The following RASGRP3 variants were observed in gnomAD, a reference collection of about 807,000 sequenced individuals.
RASGRP3 encodes ras guanyl-releasing protein 3.
Under a neutral mutation model 82.7 loss-of-function variants are expected in RASGRP3, and 54 were observed. The ratio of observed to expected loss-of-function variants is 0.65; its 90% CI spans 0.52 to 0.82. The LOEUF is 0.82. Ranked by LOEUF, RASGRP3 falls within the 40% of genes least tolerant of loss-of-function variation. The pLI is 0.00. For missense variants in RASGRP3, 861 were observed against 828.9 expected, an observed-to-expected ratio of 1.04 and a Z score of -0.48; for synonymous variants, 309 against 300.5, an observed-to-expected ratio of 1.03 and a Z score of -0.29.
chr2:33,440,805 A>C lies in RASGRP3; in HGVS notation c.-385+4214A>C, dbSNP rs1197122894. On this transcript the variant is annotated intron_variant, in intron 1 of 18. Coordinates refer to the RASGRP3 transcript ENST00000402538. ...TTTTTTTGTATGACATGTGTGGCTA[A>C]AACATACTTATTTTACAAAAATCCC... 2.0e-5 allele frequency among the ~76,000 whole-genome samples: 3 copies of C among 152,200 alleles called. No individual in the cohort carries two copies. In the East Asian group the frequency reaches 5.8e-4, roughly 29 times the overall value.
chr2:33,559,260 A>C (rs1676378692), intron 17 of RASGRP3, among the ~76,000 whole-genome samples: 1 of 152,204 alleles, frequency 6.6e-6, no homozygotes, highest in African/African-American at 2.4e-5. Flanking sequence ...AACGAGATCA[A>C]GTTCTGAAAC....
At chr2:33,502,374 T>C (rs1254157562) in intron 1 of RASGRP3, among the ~76,000 whole-genome samples, 1 of 152,188 alleles carries the variant, frequency 6.6e-6, no homozygotes, top group Non-Finnish European at 1.5e-5. Flanking sequence ...GGGCTTCCCT[T>C]CATTTGTCTT....
At chr2:33,538,046 A>G (rs1673827439) in intron 11 of RASGRP3, among the ~76,000 whole-genome samples, 1 of 152,238 alleles carries the variant, frequency 6.6e-6, no homozygotes, top group African/African-American at 2.4e-5. Context: ...ATGCACCATA[A>G]CTGATCACTA....
At chr2:33,486,624 A>G (rs1668421485) in intron 1 of RASGRP3, among the ~76,000 whole-genome samples, 1 of 152,250 alleles carries the variant, frequency 6.6e-6, no homozygotes, top group South Asian at 2.1e-4. Flanking sequence ...TATATTCTGT[A>G]AAAGAGAATG....
intron 1 of RASGRP3, among the ~76,000 whole-genome samples, chr2:33,477,518 C>T (rs1014351250): frequency 2.0e-5 from 3 of 152,202 alleles, no homozygotes; most frequent in Non-Finnish European, 4.4e-5. Context: ...GAAAGTGCTG[C>T]CTGCAGCTGA....
At chr2:33,507,535 G>T (rs530670466) in intron 1 of RASGRP3, among the ~76,000 whole-genome samples, 1 of 152,194 alleles carries the variant, frequency 6.6e-6, no homozygotes, top group Admixed American at 6.5e-5. Context: ...GGAGAGAAAT[G>T]ATTTTCTTGA....
intron 1 of RASGRP3, among the ~76,000 whole-genome samples, chr2:33,494,608 C>G (rs1265945213): frequency 6.6e-6 from 1 of 152,158 alleles, no homozygotes; most frequent in Non-Finnish European, 1.5e-5. Context: ...AAACTATATA[C>G]TCACTATAGT....
chr2:33,488,754 T>G (rs1668605615), intron 1 of RASGRP3, among the ~76,000 whole-genome samples: 1 of 152,236 alleles, frequency 6.6e-6, no homozygotes, highest in Non-Finnish European at 1.5e-5. Flanking sequence ...AATTCTGACA[T>G]GTTAAATCTT....
At chr2:33,525,111 A>T (rs1225289444) in intron 9 of RASGRP3, among the ~76,000 whole-genome samples, 1 of 151,602 alleles carries the variant, frequency 6.6e-6, no homozygotes, top group Admixed American at 6.6e-5. Flanking sequence ...AAAAAAAAAA[A>T]ACTCAACATA....
chr2:33,552,024 AACAG>A (rs759593569), intron 14 of RASGRP3, among the ~76,000 whole-genome samples: 18 of 74,536 alleles, frequency 2.4e-4, no homozygotes, highest in Admixed American at 2.1e-3. Flanking sequence ...CAAACAAACA[AACAG>A]AGAAACAAAC....
intron 15 of RASGRP3, 127 bp from the exon 16 acceptor site, chr2:33,558,084 C>A: frequency 7.8e-7 from 1 of 1,281,522 alleles, no homozygotes; most frequent in African/African-American, 1.5e-5. Context: ...TGGGCCTGAG[C>A]TCAACTCTGA....
upstream of RASGRP3, among the ~76,000 whole-genome samples, chr2:33,473,063 A>G (rs2150919741): frequency 6.6e-6 from 1 of 150,404 alleles, no homozygotes; most frequent in South Asian, 2.1e-4. Flanking sequence ...TTAGGGCAGT[A>G]ATTAAAAGAG....
At chr2:33,456,474 C>T (rs544829880) in intron 2 of RASGRP3, among the ~76,000 whole-genome samples, 1 of 152,112 alleles carries the variant, frequency 6.6e-6, no homozygotes, top group African/African-American at 2.4e-5. Context: ...CTTTAAAATA[C>T]ATACTTGATT....
intron 2 of RASGRP3, among the ~76,000 whole-genome samples, chr2:33,512,811 G>C (rs1671059769): frequency 6.6e-6 from 1 of 152,112 alleles, no homozygotes; most frequent in Non-Finnish European, 1.5e-5. Flanking sequence ...AAAACCTTAG[G>C]TGTTAAGGTG....
intron 8 of RASGRP3, 103 bp from the exon 9 acceptor site, chr2:33,524,329 C>A: frequency 1.3e-6 from 1 of 793,512 alleles, no homozygotes; most frequent in African/African-American, 1.8e-5. Context: ...TAATGTTTTC[C>A]TTAGCTTCTT....
chr2:33,446,695 A>G (rs1189813985), intron 1 of RASGRP3, among the ~76,000 whole-genome samples: 3 of 152,154 alleles, frequency 2.0e-5, no homozygotes, highest in Admixed American at 6.5e-5. Flanking sequence ...AACAGCCTCT[A>G]GGGTGGGGAA....
At chr2:33,438,792 A>G (rs1045176726) in intron 1 of RASGRP3, among the ~76,000 whole-genome samples, 2 of 152,002 alleles carry the variant, frequency 1.3e-5, no homozygotes, top group African/African-American at 2.4e-5. Flanking sequence ...AACTCCTACA[A>G]TCACCATGTG....
intron 1 of RASGRP3, among the ~76,000 whole-genome samples, chr2:33,480,645 C>T (rs1667809708): frequency 6.6e-6 from 1 of 152,218 alleles, no homozygotes; most frequent in African/African-American, 2.4e-5. Flanking sequence ...GAAACACATT[C>T]TGGGATACAA....
chr2:33,547,671 C>T (rs897234884), intron 13 of RASGRP3, among the ~76,000 whole-genome samples: 1 of 152,080 alleles, frequency 6.6e-6, no homozygotes, highest in African/African-American at 2.4e-5. Flanking sequence ...AAGTCTTCAG[C>T]CCCACTGTAA....
Sources: gnomAD v4.1 joint callset for allele counts (sites outside exome capture counted in the v4.1 genomes callset) on GRCh38, gnomAD v4.1.1 for gene constraint, MANE v1.5 for transcripts, NCBI Gene and HGNC (gene_info 2026-07-23, HGNC 2026-07-21) for gene names.